The following MGAT5 variants were observed in gnomAD, a reference collection of about 807,000 sequenced individuals.
MGAT5 encodes the protein alpha-1,6-mannosylglycoprotein 6-beta-N-acetylglucosaminyltransferase A.
In MGAT5, 30 loss-of-function variants were observed where a neutral mutation model predicts 94.3. That is an observed-to-expected ratio of 0.32 (90% CI 0.24 to 0.43). The LOEUF is 0.43. MGAT5 is among the 20% of genes least tolerant of loss of function. The pLI is 1.00. For missense variants in MGAT5, 691 were observed against 905.5 expected (o/e 0.76, Z 3.04); for synonymous variants, 310 against 322.9 (o/e 0.96, Z 0.43).
chr2:134,232,927 T>A (rs1312933418), intron 1 of MGAT5, among the ~76,000 whole-genome samples: 1 of 152,222 alleles, frequency 6.6e-6, no homozygotes, highest in Non-Finnish European at 1.5e-5. Flanking sequence ...CCAAAGAGTT[T>A]GCCAAGAATA....
intron 1 of MGAT5, among the ~76,000 whole-genome samples, chr2:134,269,147 A>G (rs1683881255): frequency 6.6e-6 from 1 of 152,222 alleles, no homozygotes; most frequent in Admixed American, 6.5e-5. Context: ...TAATTTATAA[A>G]GAAAAGAGGT....
intron 1 of MGAT5, among the ~76,000 whole-genome samples, chr2:134,172,717 T>C (rs2105125125): frequency 6.6e-6 from 1 of 152,326 alleles, no homozygotes; most frequent in South Asian, 2.1e-4. Context: ...CTGAATTGTT[T>C]GTAGCACTTA....
intron 1 of MGAT5, among the ~76,000 whole-genome samples, chr2:134,156,346 T>C (rs189455252): frequency 3.9e-4 from 60 of 152,320 alleles, no homozygotes; most frequent in African/African-American, 1.3e-3. Flanking sequence ...TGGCTTGTTA[T>C]GGGCTGTCCA....
At chr2:134,424,814 A>G (rs1253006548) in intron 13 of MGAT5, among the ~76,000 whole-genome samples, 1 of 152,170 alleles carries the variant, frequency 6.6e-6, no homozygotes, top group Non-Finnish European at 1.5e-5. Flanking sequence ...AGGCCTAGGC[A>G]TTTCTTGGCT....
intron 10 of MGAT5, among the ~76,000 whole-genome samples, chr2:134,375,224 G>C (rs1681088736): frequency 6.6e-6 from 1 of 152,202 alleles, no homozygotes; most frequent in Non-Finnish European, 1.5e-5. Flanking sequence ...AACTGAAGCA[G>C]ATAGAGGTAA....
In MGAT5 at chr2:134,284,522, C is replaced by T. The variant is rs574876925; in HGVS notation, c.406+13972C>T. Among the ~76,000 whole-genome samples the T allele has an allele frequency of 3.3e-5, 5 of 151,150 alleles. No homozygotes were observed. The East Asian group carries it at 9.9e-4, about 30-fold the overall frequency. On this transcript the variant is annotated intron_variant, in intron 2 of 15. Coordinates refer to ENST00000281923, the MANE Select transcript of MGAT5 (RefSeq NM_002410.5). ...GAATGGTGCTGTCTGGAATGCAGTA[C>T]ATAGTCTGCATGCAACCCTGTGTGC... is the stretch of plus-strand genomic sequence containing the variant.
chr2:134,293,095 T>A (rs1027440385), intron 2 of MGAT5, among the ~76,000 whole-genome samples: 4 of 152,198 alleles, frequency 2.6e-5, no homozygotes, highest in African/African-American at 9.7e-5. Context: ...ACATGAAAGG[T>A]AGCCTATTCT....
At chr2:134,182,388 C>A (rs572332966) in intron 1 of MGAT5, among the ~76,000 whole-genome samples, 1 of 152,284 alleles carries the variant, frequency 6.6e-6, no homozygotes, top group East Asian at 1.9e-4. Flanking sequence ...TCTGTGGCAT[C>A]TGTCCGCAGG....
chr2:134,254,060 A>C (rs1464865273), upstream of MGAT5, among the ~76,000 whole-genome samples: 1 of 152,176 alleles, frequency 6.6e-6, no homozygotes, highest in Non-Finnish European at 1.5e-5. Context: ...GCAGACGCAC[A>C]CTTCCCCCTT....
rs534372244 is a variant in MGAT5 at position 134,437,142 on chromosome 2, C to T, written c.1870-4616C>T. On this transcript the variant is annotated intron_variant, in intron 14 of 15. Coordinates refer to ENST00000281923, the MANE Select transcript of MGAT5 (RefSeq NM_002410.5). ...TAGCTGGGATTACAGGCGCGCGCCA[C>T]CATGCCTAGCAATTTTTTTGGATTT... Among the ~76,000 whole-genome samples the T allele has an allele frequency of 7.9e-5, 12 of 152,270 alleles. 1 individual carries two copies. The highest frequency in any genetic ancestry group is 6.8e-3 in the Middle Eastern group (2 of 294).
At chr2:134,369,716 T>C (rs1182009872) in intron 10 of MGAT5, among the ~76,000 whole-genome samples, 1 of 148,118 alleles carries the variant, frequency 6.8e-6, no homozygotes, top group African/African-American at 2.5e-5. Flanking sequence ...GATAGCTTTA[T>C]GGTTTTTACA....
At chr2:134,296,671 C>T (rs1029686201) in intron 2 of MGAT5, among the ~76,000 whole-genome samples, 1 of 152,114 alleles carries the variant, frequency 6.6e-6, no homozygotes, top group Non-Finnish European at 1.5e-5. Flanking sequence ...ATCTATTCCA[C>T]TTAACCTCTC....
intron 1 of MGAT5, among the ~76,000 whole-genome samples, chr2:134,257,860 T>C (rs1573631128): frequency 6.7e-6 from 1 of 148,282 alleles, no homozygotes; most frequent in African/African-American, 2.5e-5. Flanking sequence ...TTTTTTGCCA[T>C]AAATGCAGCC....
chr2:134,437,705 A>G (rs980437050), intron 14 of MGAT5, among the ~76,000 whole-genome samples: 1 of 152,208 alleles, frequency 6.6e-6, no homozygotes, highest in Non-Finnish European at 1.5e-5. Flanking sequence ...GAAGTTATCC[A>G]GTTGCTCCTA....
chr2:134,156,959 AATG>A (rs1687509057), intron 1 of MGAT5, among the ~76,000 whole-genome samples: 1 of 152,276 alleles, frequency 6.6e-6, no homozygotes, highest in African/African-American at 2.4e-5. Context: ...ATAAATTGGG[AATG>A]ATGATATCTA....
intron 2 of MGAT5, among the ~76,000 whole-genome samples, chr2:134,275,258 A>G (rs1684288260): frequency 6.6e-6 from 1 of 152,202 alleles, no homozygotes; most frequent in Admixed American, 6.5e-5. Flanking sequence ...GCAAGAAGCA[A>G]ATATGTTCTG....
chr2:134,399,581 C>A (rs1347146839), intron 10 of MGAT5, among the ~76,000 whole-genome samples: 1 of 152,206 alleles, frequency 6.6e-6, no homozygotes, highest in African/African-American at 2.4e-5. Context: ...CAGCTGGAAC[C>A]TTTGGGCGAC....
chr2:134,356,288 T>C (rs1429118758), intron 9 of MGAT5, among the ~76,000 whole-genome samples: 1 of 152,110 alleles, frequency 6.6e-6, no homozygotes, highest in African/African-American at 2.4e-5. Context: ...ACTTTCCCAT[T>C]TCACCTTCCA....
intron 10 of MGAT5, among the ~76,000 whole-genome samples, chr2:134,398,984 T>C (rs546351574): frequency 2.4e-4 from 36 of 152,322 alleles, no homozygotes; most frequent in African/African-American, 8.7e-4. Flanking sequence ...GAATAAGTTC[T>C]AGTGTTCAAT....
Sources: allele counts gnomAD v4.1 joint callset (sites outside exome capture counted in the v4.1 genomes callset), GRCh38; gene constraint gnomAD v4.1.1; transcripts MANE v1.5; gene names NCBI Gene and HGNC (gene_info 2026-07-23, HGNC 2026-07-21).